ABLIM1: variants seen among roughly 807,000 people sequenced by gnomAD.
The protein encoded by ABLIM1 is actin binding LIM protein 1, also known as actin-binding LIM protein 1.
ABLIM1 carries 40 observed loss-of-function variants against 107.0 expected under a neutral mutation model. That is an observed-to-expected ratio of 0.37 (90% CI 0.29 to 0.49). The LOEUF is 0.49. ABLIM1 is among the 20% of genes least tolerant of loss of function. ABLIM1 has a pLI of 0.97. For missense variants in ABLIM1, 857 were observed against 1,008.5 expected (o/e 0.85, Z 2.04); for synonymous variants, 357 against 357.3 (o/e 1.00, Z 0.01).
At chr10:114,508,663 TG>T (rs899196941) in intron 6 of ABLIM1, among the ~76,000 whole-genome samples, 76 of 152,348 alleles carry the variant, frequency 5.0e-4, no homozygotes, top group African/African-American at 1.8e-3. Flanking sequence ...CATTCCAGCC[TG>T]GGCAACAAAG....
chr10:114,791,482 C>CA, the ABLIM1 span, among the ~76,000 whole-genome samples: 3 of 151,754 alleles, frequency 2.0e-5, no homozygotes, highest in African/African-American at 7.3e-5. Flanking sequence ...ACTAAAAATA[C>CA]AAAAAATTAG....
chr10:114,610,559 G>A (rs2076737776), intron 1 of ABLIM1: 1 of 152,188 alleles, frequency 6.6e-6, no homozygotes, highest in Non-Finnish European at 1.5e-5. Flanking sequence ...ACCGGCACTA[G>A]TATGGAGCCC....
At chr10:114,540,651 C>T (rs999995597) in intron 6 of ABLIM1, among the ~76,000 whole-genome samples, 4 of 152,296 alleles carry the variant, frequency 2.6e-5, no homozygotes, top group South Asian at 2.1e-4. Flanking sequence ...AGACCTGGAG[C>T]GTCTCTTCTC....
chr10:114,529,003 C>G (rs1024979730), intron 6 of ABLIM1, among the ~76,000 whole-genome samples: 2 of 152,172 alleles, frequency 1.3e-5, no homozygotes, highest in African/African-American at 4.8e-5. Context: ...CAATGTCTGT[C>G]AGAGGAGTGA....
intron 1 of ABLIM1, among the ~76,000 whole-genome samples, chr10:114,614,445 A>G (rs934427267): frequency 6.6e-6 from 1 of 152,204 alleles, no homozygotes; most frequent in African/African-American, 2.4e-5. Flanking sequence ...CATCCTCCCC[A>G]CTAAAGTATT....
intron 1 of ABLIM1, among the ~76,000 whole-genome samples, chr10:114,647,116 C>T (rs1591722679): frequency 6.6e-6 from 1 of 152,338 alleles, no homozygotes; most frequent in East Asian, 1.9e-4. Flanking sequence ...GTGCCTCAGC[C>T]TCCCAAGTAG....
In ABLIM1 at chr10:114,475,211, G is replaced by A. The variant is rs142460488; in HGVS notation, c.1042-1255C>T. 3.9e-5 allele frequency among the ~76,000 whole-genome samples: 6 copies of A among 152,158 alleles called. No individual in the cohort carries two copies. In the East Asian group the frequency reaches 7.7e-4, roughly 20 times the overall value. ...AGAACACAGCGCACAAAGCTGCCTC[G>A]GAGTTCTCATCCTCGCTTACTGCTC... On this transcript the variant is annotated intron_variant, in intron 8 of 22. Coordinates refer to ENST00000533213, the MANE Select transcript of ABLIM1 (RefSeq NM_002313.7).
intron 6 of ABLIM1, among the ~76,000 whole-genome samples, chr10:114,509,267 G>A (rs1565699290): frequency 1.3e-5 from 2 of 152,164 alleles, no homozygotes; most frequent in African/African-American, 2.4e-5. Flanking sequence ...GGACTCCCAG[G>A]ACGAGTCAGG....
chr10:114,583,588 C>G (rs187162542), intron 2 of ABLIM1, among the ~76,000 whole-genome samples: 1 of 148,964 alleles, frequency 6.7e-6, no homozygotes, highest in East Asian at 2.1e-4. Context: ...AAAAATGGAA[C>G]TGCCATTCAA....
intron 4 of ABLIM1, among the ~76,000 whole-genome samples, chr10:114,557,411 T>C (rs1379245447): frequency 1.3e-5 from 2 of 152,178 alleles, no homozygotes; most frequent in African/African-American, 4.8e-5. Flanking sequence ...TCAGCCTTCA[T>C]CAGGAAAGCA....
rs1426377677 is a variant in ABLIM1 at position 114,433,417 on chromosome 10, A to G, written c.*2843T>C. 1 of 152,240 alleles carries G rather than the reference A, an allele frequency of 6.6e-6. No individual in the cohort carries two copies. The highest frequency in any genetic ancestry group is 2.4e-5 in the African/African-American group (1 of 41,454). The allele number at this position is 152,240 out of a possible 1,614,324, so 9.4% of individuals were successfully genotyped here. A position where few individuals can be genotyped will look rare whatever the true frequency, so the allele number is the denominator to read the frequency against. On this transcript the variant is annotated 3_prime_UTR_variant, in exon 23 of 23. Coordinates refer to ENST00000533213, the MANE Select transcript of ABLIM1 (RefSeq NM_002313.7). ...TCCAGCTGGAGCCTTTTGCTGGGAA[A>G]TGGAGTAGGGGGCCCACTCTGCATT...
intron 8 of ABLIM1, chr10:114,485,188 T>C (rs1338850526): frequency 1.4e-5 from 11 of 766,202 alleles, no homozygotes; most frequent in African/African-American, 3.6e-5. Context: ...AGCATCTGCT[T>C]TCTGCAGGAG....
chr10:114,640,824 T>G (rs1476401827), intron 1 of ABLIM1, among the ~76,000 whole-genome samples: 1 of 152,102 alleles, frequency 6.6e-6, no homozygotes, highest in East Asian at 1.9e-4. Flanking sequence ...GTTGAGAGAA[T>G]CTGGGGAATA....
intron 1 of ABLIM1, among the ~76,000 whole-genome samples, chr10:114,692,396 A>C (rs2081099091): frequency 6.6e-6 from 1 of 152,362 alleles, no homozygotes; most frequent in Admixed American, 6.5e-5. Context: ...TCAGCAAAGG[A>C]AGATAGGCTA....
chr10:114,481,436 G>A (rs1435489392), intron 8 of ABLIM1, among the ~76,000 whole-genome samples: 2 of 151,228 alleles, frequency 1.3e-5, no homozygotes, highest in Admixed American at 1.3e-4. Context: ...CTGATATAAG[G>A]TGACTGACAC....
At chr10:114,583,012 G>A (rs1566005689) in intron 2 of ABLIM1, among the ~76,000 whole-genome samples, 1 of 152,020 alleles carries the variant, frequency 6.6e-6, no homozygotes, top group African/African-American at 2.4e-5. Flanking sequence ...ATTGACAAGT[G>A]GGATCTAATT....
intron 1 of ABLIM1, among the ~76,000 whole-genome samples, chr10:114,645,123 C>CTGTCAG (rs2140997748): frequency 6.6e-6 from 1 of 152,298 alleles, no homozygotes; most frequent in Admixed American, 6.5e-5. Flanking sequence ...GCAATGGAAT[C>CTGTCAG]TGTCAGCGCC....
chr10:114,468,020 C>G (rs1021756662), intron 11 of ABLIM1, among the ~76,000 whole-genome samples, 161 bp downstream of exon 11: 1 of 152,192 alleles, frequency 6.6e-6, no homozygotes, highest in Non-Finnish European at 1.5e-5. Context: ...GTCTTAGAGT[C>G]TCCTCTTTCA....
intron 1 of ABLIM1, among the ~76,000 whole-genome samples, chr10:114,698,430 A>T (rs2081240578): frequency 6.6e-6 from 1 of 151,892 alleles, no homozygotes; most frequent in African/African-American, 2.4e-5. Context: ...AAAAGAATTA[A>T]GAGATATGGA....
Sources: allele counts gnomAD v4.1 joint callset (sites outside exome capture counted in the v4.1 genomes callset), GRCh38; gene constraint gnomAD v4.1.1; transcripts MANE v1.5; gene names NCBI Gene and HGNC (gene_info 2026-07-23, HGNC 2026-07-21).